The following INSL6 variants were observed in gnomAD, a reference collection of about 807,000 sequenced individuals.
INSL6 encodes the protein insulin like 6.
A neutral mutation model predicts 9.4 loss-of-function variants in INSL6; 16 were observed. The ratio of observed to expected loss-of-function variants is 1.70; its 90% CI spans 1.15 to 2.59. The LOEUF is 2.59. INSL6 is among the 30% of genes most tolerant of loss of function. INSL6 has a pLI of 0.00. For synonymous variants in INSL6, 154 were observed against 96.9 expected, an observed-to-expected ratio of 1.59 and a Z score of -3.46; for missense variants, 391 against 257.3, an observed-to-expected ratio of 1.52 and a Z score of -3.56.
chr9:5,185,054 G>A (rs550765461), intron 1 of INSL6, among the ~76,000 whole-genome samples: 7 of 152,218 alleles, frequency 4.6e-5, no homozygotes, highest in African/African-American at 1.4e-4. Context: ...TTTGCCAGAT[G>A]ACTGGCACTC....
the INSL6 span, among the ~76,000 whole-genome samples, chr9:5,005,114 T>TAGG: frequency 3.8e-5 from 3 of 78,814 alleles, no homozygotes; most frequent in Non-Finnish European, 7.7e-5. Context: ...TTTTTTTTTT[T>TAGG]TTTTTTTTTT....
the INSL6 span, among the ~76,000 whole-genome samples, chr9:5,087,473 C>CGCTGGT: frequency 1.7e-5 from 2 of 118,102 alleles, no homozygotes; most frequent in South Asian, 5.0e-4. Flanking sequence ...CAAACCATAT[C>CGCTGGT]ACTCCCTTAC....
chr9:5,027,087 C>G, the INSL6 span, among the ~76,000 whole-genome samples: 1,355 of 152,232 alleles, frequency 8.9e-3, 16 homozygotes, highest in African/African-American at 0.03. Flanking sequence ...ACCTCCAGTT[C>G]AGGGAAACTT....
the INSL6 span, among the ~76,000 whole-genome samples, chr9:5,021,708 C>A: frequency 6.6e-6 from 1 of 152,124 alleles, no homozygotes; most frequent in Non-Finnish European, 1.5e-5. Flanking sequence ...TTGCTGCAGC[C>A]TCATCCTCCC....
At chr9:5,072,578 A>G in the INSL6 span, 12 of 1,610,740 alleles carry the variant, frequency 7.4e-6, no homozygotes, top group Non-Finnish European at 1.0e-5. Flanking sequence ...TGCATGAAAC[A>G]GAAGTTCTTT....
chr9:5,000,925 A>G, the INSL6 span, among the ~76,000 whole-genome samples: 11 of 152,226 alleles, frequency 7.2e-5, no homozygotes, highest in Non-Finnish European at 1.0e-4. Context: ...GGAATTGGCT[A>G]GCCCTGGAAG....
At chr9:5,035,696 A>G in the INSL6 span, among the ~76,000 whole-genome samples, 3 of 152,054 alleles carry the variant, frequency 2.0e-5, no homozygotes, top group South Asian at 6.2e-4. Flanking sequence ...CATGCTAAAA[A>G]CTCTCAATAA....
At chr9:5,042,661 C>T in the INSL6 span, among the ~76,000 whole-genome samples, 1 of 152,172 alleles carries the variant, frequency 6.6e-6, no homozygotes, top group African/African-American at 2.4e-5. Context: ...ATCCAAAGGC[C>T]GTTTTCTCAG....
chr9:5,107,867 T>G, the INSL6 span: 27 of 152,300 alleles, frequency 1.8e-4, no homozygotes, highest in African/African-American at 6.3e-4. Flanking sequence ...CCTTGCCTTA[T>G]TAGTTTCAAT....
chr9:5,027,722 G>A, the INSL6 span, among the ~76,000 whole-genome samples: 1 of 152,162 alleles, frequency 6.6e-6, no homozygotes, highest in Admixed American at 6.5e-5. Context: ...ATCCTTTGTT[G>A]TCATTTCAAC....
At chr9:5,132,531 G>A (rs1030797976) in intron 3 of INSL6, among the ~76,000 whole-genome samples, 1 of 148,904 alleles carries the variant, frequency 6.7e-6, no homozygotes, top group African/African-American at 2.6e-5. Context: ...CAGATTCTTA[G>A]TAAAACATTT....
the INSL6 span, among the ~76,000 whole-genome samples, chr9:5,009,829 G>A: frequency 6.6e-6 from 1 of 150,644 alleles, no homozygotes; most frequent in African/African-American, 2.4e-5. Context: ...GGAGTGAAGT[G>A]GTGCCAACCT....
the INSL6 span, chr9:5,080,396 C>CT: frequency 6.3e-7 from 1 of 1,590,510 alleles, no homozygotes. Context: ...TTTATATAGA[C>CT]TAAGTTAGAA....
chr9:5,098,591 A>G, the INSL6 span: 2 of 152,354 alleles, frequency 1.3e-5, no homozygotes, highest in Non-Finnish European at 2.9e-5. Flanking sequence ...CGTATTCTGT[A>G]TAAAACAGAT....
intron 3 of INSL6, among the ~76,000 whole-genome samples, chr9:5,130,725 T>A (rs1249768185): frequency 6.6e-6 from 1 of 151,184 alleles, no homozygotes; most frequent in African/African-American, 2.4e-5. Flanking sequence ...TTTTATTTTT[T>A]ATTTTTTTTT....
At chr9:5,141,243 A>G (rs1824491618) in intron 2 of INSL6, among the ~76,000 whole-genome samples, 1 of 152,190 alleles carries the variant, frequency 6.6e-6, no homozygotes, top group South Asian at 2.1e-4. Context: ...GCTGGATCAA[A>G]TGGTATTTCT....
chr9:5,152,016 C>T (rs1375757988), intron 2 of INSL6, among the ~76,000 whole-genome samples: 2 of 151,864 alleles, frequency 1.3e-5, no homozygotes, highest in East Asian at 1.9e-4. Context: ...AATATAATGA[C>T]ACAAGAATCA....
chr9:5,034,373 G>C, the INSL6 span, among the ~76,000 whole-genome samples: 1 of 152,290 alleles, frequency 6.6e-6, no homozygotes. Flanking sequence ...ATTGAATTCA[G>C]CTCTGGACCA....
chr9:5,120,760 C>G (rs1391180962), downstream of INSL6, among the ~76,000 whole-genome samples: 1 of 152,164 alleles, frequency 6.6e-6, no homozygotes, highest in Non-Finnish European at 1.5e-5. Flanking sequence ...CTAAGCTATA[C>G]TCTAAAGGGA....
Sources: gnomAD v4.1 joint callset for allele counts (sites outside exome capture counted in the v4.1 genomes callset) on GRCh38, gnomAD v4.1.1 for gene constraint, MANE v1.5 for transcripts, NCBI Gene and HGNC (gene_info 2026-07-23, HGNC 2026-07-21) for gene names.